NPAS3: variants seen among roughly 807,000 people sequenced by gnomAD.
The protein encoded by NPAS3 is neuronal PAS domain protein 3.
In NPAS3, 14 loss-of-function variants were observed where a neutral mutation model predicts 73.1. That is an observed-to-expected ratio of 0.19 (90% CI 0.13 to 0.30). The LOEUF is 0.30. NPAS3 is among the 10% of genes least tolerant of loss of function. The pLI is 1.00. For missense variants in NPAS3, 1,096 were observed against 1,250.0 expected, an observed-to-expected ratio of 0.88 and a Z score of 1.86; for synonymous variants, 620 against 541.5, an observed-to-expected ratio of 1.14 and a Z score of -2.01.
intron 4 of NPAS3, among the ~76,000 whole-genome samples, chr14:33,450,912 A>T (rs929012761): frequency 6.6e-6 from 1 of 152,202 alleles, no homozygotes; most frequent in African/African-American, 2.4e-5. Context: ...TTCATGAGAC[A>T]AATATGCTTT....
At chr14:33,231,950 T>C (rs1428908485) in intron 3 of NPAS3, among the ~76,000 whole-genome samples, 1 of 152,176 alleles carries the variant, frequency 6.6e-6, no homozygotes, top group East Asian at 1.9e-4. Context: ...CAAAAATCAT[T>C]TTCTATAAAT....
exon 6 of NPAS3, chr14:33,676,336 C>A: frequency 6.2e-7 from 1 of 1,605,866 alleles, no homozygotes; most frequent in Non-Finnish European, 8.5e-7. Flanking sequence ...CTGCTGAGGA[C>A]GGAGCCAGCT....
chr14:33,716,882 CCTTTA>C (rs375045870), intron 6 of NPAS3, among the ~76,000 whole-genome samples: 66 of 152,236 alleles, frequency 4.3e-4, no homozygotes, highest in African/African-American at 1.5e-3. Flanking sequence ...TGTAGCATTT[CCTTTA>C]CATCTCTCAT....
chr14:33,607,748 G>A (rs1162329752), intron 5 of NPAS3, among the ~76,000 whole-genome samples: 1 of 152,158 alleles, frequency 6.6e-6, no homozygotes, highest in East Asian at 1.9e-4. Context: ...ACCTGAGACT[G>A]GTAATTTATA....
At chr14:33,318,444 A>G (rs2043298185) in intron 3 of NPAS3, among the ~76,000 whole-genome samples, 1 of 152,148 alleles carries the variant, frequency 6.6e-6, no homozygotes, top group Non-Finnish European at 1.5e-5. Flanking sequence ...TTTACTTAAC[A>G]TTACTGAACC....
intron 7 of NPAS3, among the ~76,000 whole-genome samples, chr14:33,772,634 T>A (rs1227524929): frequency 6.6e-6 from 1 of 152,216 alleles, no homozygotes; most frequent in Non-Finnish European, 1.5e-5. Flanking sequence ...TAAATGAGCA[T>A]CTATGTAAGC....
At chr14:33,519,595 C>A (rs1051558125) in intron 4 of NPAS3, among the ~76,000 whole-genome samples, 2 of 151,960 alleles carry the variant, frequency 1.3e-5, no homozygotes, top group African/African-American at 4.8e-5. Context: ...CCTCGGTCTG[C>A]GCATATGTAA....
chr14:33,427,448 A>G (rs912873868), intron 4 of NPAS3, among the ~76,000 whole-genome samples: 6 of 151,832 alleles, frequency 4.0e-5, no homozygotes, highest in Non-Finnish European at 5.9e-5. Flanking sequence ...CATTACTTTT[A>G]TACGGTGCTG....
In NPAS3 at chr14:33,800,263, C is replaced by A; in HGVS notation, c.1956C>A (p.Ile652=). 6.2e-7 allele frequency: 1 copy of A among 1,613,444 alleles called. No individual in the cohort carries two copies. The highest frequency in any genetic ancestry group is 8.5e-7 in the Non-Finnish European group (1 of 1,179,680). Residue 652 remains isoleucine, a synonymous_variant, in exon 12 of 12, where the codon ATC becomes ATA. Coordinates refer to ENST00000356141, the Ensembl canonical transcript of NPAS3. This position sits in a 1 kb window ranked among gnomAD's most constrained non-coding sequence, Gnocchi z 6.5. ...CGGTGCTCAAGATCAAGACGGAGAT[C>A]TCAGAACCCATCAATTTCGACAATG...
At chr14:32,974,610 C>A (rs1222091262) in intron 1 of NPAS3, among the ~76,000 whole-genome samples, 1 of 151,960 alleles carries the variant, frequency 6.6e-6, no homozygotes, top group African/African-American at 2.4e-5. Flanking sequence ...GGTTTAACAA[C>A]CAAACAAAGA....
At chr14:33,017,067 C>T (rs59517152) in intron 1 of NPAS3, among the ~76,000 whole-genome samples, 16,872 of 152,058 alleles carry the variant, frequency 0.11, 987 homozygotes, top group East Asian at 0.23. Flanking sequence ...CCCCTAACTG[C>T]CTTCAATCGC....
chr14:33,513,836 C>T (rs1369444496), intron 4 of NPAS3, among the ~76,000 whole-genome samples: 1 of 151,968 alleles, frequency 6.6e-6, no homozygotes, highest in Non-Finnish European at 1.5e-5. Flanking sequence ...TAAAAAGTCA[C>T]TCTTTTTACT....
chr14:33,354,258 G>T (rs2045225626), intron 3 of NPAS3, among the ~76,000 whole-genome samples: 1 of 151,968 alleles, frequency 6.6e-6, no homozygotes, highest in Non-Finnish European at 1.5e-5. Context: ...TTCCCTTCCA[G>T]ATTTTCAGAA....
chr14:33,392,282 A>G (rs922310291), intron 4 of NPAS3, among the ~76,000 whole-genome samples: 12 of 152,140 alleles, frequency 7.9e-5, no homozygotes, highest in Admixed American at 1.3e-4. Flanking sequence ...GAAAGAATTA[A>G]TATTTATTGA....
rs140605708 is a variant in NPAS3, at chr14:33,082,222, A to T, written c.140+26228A>T. Among the ~76,000 whole-genome samples, 6 of 152,284 alleles carry T rather than the reference A, an allele frequency of 3.9e-5. No individual in the cohort carries two copies. The East Asian group carries it at 1.2e-3, about 29-fold the overall frequency. On this transcript the variant is annotated intron_variant, in intron 2 of 11. Transcript: ENST00000356141. ...GCTCCTAGAAACAATCACATTTATA[A>T]GACAATATTGGTTTGTTTGCCATAG...
At chr14:33,165,537 G>A (rs2139340308) in intron 2 of NPAS3, among the ~76,000 whole-genome samples, 1 of 152,154 alleles carries the variant, frequency 6.6e-6, no homozygotes, top group Admixed American at 6.5e-5. Flanking sequence ...CATGCGTAGT[G>A]TAAATAAAAC....
intron 1 of NPAS3, among the ~76,000 whole-genome samples, chr14:33,020,762 GTTTC>G (rs1245145110): frequency 1.3e-5 from 2 of 149,074 alleles, no homozygotes; most frequent in African/African-American, 5.0e-5. Context: ...CAACGTTTTT[GTTTC>G]TTTTTTTTTT....
intron 3 of NPAS3, among the ~76,000 whole-genome samples, chr14:33,293,833 A>G (rs1002022415): frequency 2.0e-5 from 3 of 152,256 alleles, no homozygotes; most frequent in Admixed American, 1.3e-4. Context: ...TTAATTAGCC[A>G]GAGTATTAAG....
chr14:33,129,738 A>G (rs920391212), intron 2 of NPAS3, among the ~76,000 whole-genome samples: 9 of 152,180 alleles, frequency 5.9e-5, no homozygotes, highest in Non-Finnish European at 1.3e-4. Context: ...GTATGTATAA[A>G]GGATCCCATG....
Sources: gnomAD v4.1 joint callset for allele counts (sites outside exome capture counted in the v4.1 genomes callset) on GRCh38, gnomAD v4.1.1 for gene constraint, Gnocchi (gnomAD v3.1) non-coding constraint, MANE v1.5 for transcripts, NCBI Gene and HGNC (gene_info 2026-07-23, HGNC 2026-07-21) for gene names.